The following HSPA5 variants were observed in gnomAD, a reference collection of about 807,000 sequenced individuals.
HSPA5 encodes the protein heat shock protein family A (Hsp70) member 5.
A neutral mutation model predicts 49.5 loss-of-function variants in HSPA5; 16 were observed. The observed-to-expected ratio is 0.32, with a 90% CI of 0.22 to 0.49. HSPA5 has a LOEUF of 0.49. HSPA5 is among the 20% of genes least tolerant of loss of function. HSPA5 has a pLI of 0.99. For synonymous variants in HSPA5, 271 were observed against 307.2 expected (o/e 0.88, Z 1.23); for missense variants, 376 against 819.0 (o/e 0.46, Z 6.60).
In HSPA5 at chr9:125,239,719, A is replaced by G. The variant is rs1362797412; in HGVS notation, c.493-186T>C. Among the ~76,000 whole-genome samples, 2 of 145,244 alleles carry G rather than the reference A, an allele frequency of 1.4e-5. No homozygotes were observed. Among genetic ancestry groups the G allele is most frequent in the Non-Finnish European group, 2.9e-5 (2 of 67,874 alleles). On this transcript the variant is annotated intron_variant, in intron 3 of 7. Coordinates refer to ENST00000324460, the MANE Select transcript of HSPA5 (RefSeq NM_005347.5). The surrounding 1 kb of genome is among the most constrained non-coding windows in gnomAD (Gnocchi z 5.5). ...TGTGGAGAAACCCTGTCTCTACTGA[A>G]AATTAAAAAAAAAAAAAAAAATTAG... is the stretch of plus-strand genomic sequence containing the variant.
At position 125,238,985 on chromosome 9, in the gene HSPA5, A is replaced by C. The variant is rs746186875; in HGVS notation, c.952T>G (p.Phe318Val). The stretch of plus-strand genomic sequence containing the variant: ...TTGGCCCGAGTCAGGGTCTCAGAAA[A>C]GTCTTCTCCTTCATAGAAGGACTCA... ...EIESFYEGED[F>V]SETLTRAKFE... is the part of the protein sequence containing the mutation. The change falls in exon 5 of 8, where the codon TTT becomes GTT. Residue 318 changes from phenylalanine to valine, a missense_variant. This residue lies in a region of HSPA5 where 89 missense variants were observed against 155.9 expected (regional missense o/e 0.57). Transcript: ENST00000324460. 3.1e-6 allele frequency: 5 copies of C among 1,612,990 alleles called. No individual in the cohort carries two copies. The highest frequency in any genetic ancestry group is 4.2e-6 in the Non-Finnish European group (5 of 1,179,690).
intron 5 of HSPA5, 54 bp from the exon 6 acceptor site, chr9:125,238,881 ATGTCC>A (rs1235670029): frequency 2.5e-6 from 4 of 1,606,098 alleles, no homozygotes; most frequent in Non-Finnish European, 3.4e-6. Flanking sequence ...TCTAGATGCA[ATGTCC>A]TGAATTCAGA....
chr9:125,235,596 TTTAACAACCCATTCA>T lies in HSPA5; in HGVS notation c.*981_*995del, dbSNP rs531372256. On this transcript the variant is annotated 3_prime_UTR_variant, in exon 8 of 8. Coordinates refer to ENST00000324460, the MANE Select transcript of HSPA5 (RefSeq NM_005347.5). ...ACCAGTTTTGACACAAACCATTGCC[TTTAACAACCCATTCA>T]TAGTGAGGGGATTTAGTGTAGTTTC... 2.6e-5 allele frequency: 4 copies of T among 152,104 alleles called. No individual in the cohort carries two copies. The highest frequency in any genetic ancestry group is 5.9e-5 in the Non-Finnish European group (4 of 68,026). The allele number at this position is 152,104 out of a possible 1,614,324, so 9.4% of individuals were successfully genotyped here. A position where few individuals can be genotyped will look rare whatever the true frequency, so the allele number is the denominator to read the frequency against.
At position 125,236,719 on chromosome 9, in the gene HSPA5, A is replaced by T; in HGVS notation, c.1838T>A (p.Ile613Asn). The part of the protein sequence containing the change: ...EWLESHQDAD[I>N]EDFKAKKKEL... The stretch of plus-strand genomic sequence containing the variant: ...CTTCTTCTTAGCTTTGAAGTCTTCA[A>T]TGTCAGCATCTTGGTGGCTTTCCAG... Residue 613 changes from isoleucine to asparagine, a missense_variant, in exon 8 of 8, where the codon ATT becomes AAT. Coordinates refer to ENST00000324460, the MANE Select transcript of HSPA5 (RefSeq NM_005347.5). The T allele has an allele frequency of 4.3e-6, 7 of 1,613,890 alleles. No homozygotes were observed. Among genetic ancestry groups the T allele is most frequent in the Non-Finnish European group, 5.9e-6 (7 of 1,179,838 alleles).
rs1413047379 is a variant in HSPA5 at position 125,237,157 on chromosome 9, A to G, written c.1403-3T>C. 6.3e-7 allele frequency: 1 copy of G among 1,598,586 alleles called. No homozygotes were observed. Among genetic ancestry groups the G allele is most frequent in the Non-Finnish European group, 8.5e-7 (1 of 1,171,376 alleles). ...GTCTTTTGTCAGGGGTCTTTCACCT[A>G]GAAGTTACATACAGAAAAACTTGTT... On this transcript the variant is annotated splice_region_variant and splice_polypyrimidine_tract_variant and intron_variant, in intron 7 of 7. Coordinates refer to ENST00000324460, the MANE Select transcript of HSPA5 (RefSeq NM_005347.5).
chr9:125,240,978 TC>T lies in HSPA5; in HGVS notation c.122+26del. On this transcript the variant is annotated intron_variant, in intron 1 of 7. Transcript: ENST00000324460. This position sits in a 1 kb window ranked among gnomAD's most constrained non-coding sequence, Gnocchi z 4.4. ...CGCCAGGCCAGGCGGCCACGCCCCGTCCCCCTGCATCCGCAACCCCACTTAC... is the reference window on the plus strand; with the variant it reads ...CGCCAGGCCAGGCGGCCACGCCCCGTCCCCTGCATCCGCAACCCCACTTAC... The T allele has an allele frequency of 6.2e-7, 1 of 1,610,878 alleles. No individual in the cohort carries two copies. The highest frequency in any genetic ancestry group is 8.5e-7 in the Non-Finnish European group (1 of 1,178,058).
Position 125,238,187 on chromosome 9 carries a change from A to G in HSPA5, c.1356T>C (p.Ser452=), listed in dbSNP as rs1475793192. The G allele has an allele frequency of 5.0e-6, 8 of 1,613,954 alleles. No individual in the cohort carries two copies. The highest frequency in any genetic ancestry group is 6.8e-6 in the Non-Finnish European group (8 of 1,179,940). Residue 452 remains serine, a synonymous_variant, in exon 7 of 8, where the codon TCT becomes TCC. Coordinates refer to ENST00000324460, the MANE Select transcript of HSPA5 (RefSeq NM_005347.5). ...VVPTKKSQIF[S]TASDNQPTVT... is the part of the protein sequence containing the mutation. Reference sequence around the variant, plus strand: ...CAGTTGGTTGATTATCAGAAGCTGTAGAAAAGATCTGAGACTTCTTGGTAG... The same window carrying G: ...CAGTTGGTTGATTATCAGAAGCTGTGGAAAAGATCTGAGACTTCTTGGTAG...
Position 125,236,542 on chromosome 9 carries a change from A to G in HSPA5, c.*50T>C, listed in dbSNP as rs1042373878. 1.0e-5 allele frequency: 14 copies of G among 1,338,896 alleles called. No homozygotes were observed. The African/African-American group carries it at 1.9e-4, about 18-fold the overall frequency. 82.9% of individuals were successfully genotyped at this position (1,338,896 alleles called of 1,614,324 possible). A position where few individuals can be genotyped will look rare whatever the true frequency, so the allele number is the denominator to read the frequency against. On this transcript the variant is annotated 3_prime_UTR_variant, in exon 8 of 8. Coordinates refer to ENST00000324460, the MANE Select transcript of HSPA5 (RefSeq NM_005347.5). ...AGTTCTTTCAATTTTTTCCTAACAA[A>G]AGTTCCTGAGTCCAGTATTTACAAT...
At position 125,241,274 on chromosome 9, in the gene HSPA5, C is replaced by T; in HGVS notation, c.-148G>A. Reference sequence around the variant, plus strand: ...AGGGCAGGTCTAGAAATACAGGCCGCGGCGCTTCCCTCTCACACTCGCGAA... The same window carrying T: ...AGGGCAGGTCTAGAAATACAGGCCGTGGCGCTTCCCTCTCACACTCGCGAA... On this transcript the variant is annotated 5_prime_UTR_variant, in exon 1 of 8. Coordinates refer to ENST00000324460, the MANE Select transcript of HSPA5 (RefSeq NM_005347.5). 2 of 864,136 alleles carry T rather than the reference C, an allele frequency of 2.3e-6. No homozygotes were observed. Among genetic ancestry groups the T allele is most frequent in the South Asian group, 1.7e-5 (1 of 59,300 alleles). The allele number at this position is 864,136 out of a possible 1,614,324, so 53.5% of individuals were successfully genotyped here. A position where few individuals can be genotyped will look rare whatever the true frequency, so the allele number is the denominator to read the frequency against.
Position 125,240,540 on chromosome 9 carries a change from A to G in HSPA5, c.354+136T>C. ...ACTGTCTTAAGTTTTGTAACATACT[A>G]ATAGTATTAAAGTTATTACATACAT... On this transcript the variant is annotated intron_variant, in intron 2 of 7. Coordinates refer to ENST00000324460, the MANE Select transcript of HSPA5 (RefSeq NM_005347.5). The surrounding 1 kb of genome is among the most constrained non-coding windows in gnomAD (Gnocchi z 4.4). 6.7e-6 allele frequency: 5 copies of G among 749,998 alleles called. No individual in the cohort carries two copies. 46.5% of individuals were successfully genotyped at this position (749,998 alleles called of 1,614,324 possible).
chr9:125,240,414 C>T lies in HSPA5; in HGVS notation c.355-105G>A. On this transcript the variant is annotated intron_variant, in intron 2 of 7. Coordinates refer to ENST00000324460, the MANE Select transcript of HSPA5 (RefSeq NM_005347.5). This position sits in a 1 kb window ranked among gnomAD's most constrained non-coding sequence, Gnocchi z 4.4. ...TTTGGTTTATTTTGGTCCCTTGGGG[C>T]TGCAAATTGACTAGAAATACTTCAG... 1 of 1,008,380 alleles carries T rather than the reference C, an allele frequency of 9.9e-7. No homozygotes were observed. Among genetic ancestry groups the T allele is most frequent in the Non-Finnish European group, 1.5e-6 (1 of 680,542 alleles). 62.5% of individuals were successfully genotyped at this position (1,008,380 alleles called of 1,614,324 possible).
rs1420946746 is a variant in HSPA5, at chr9:125,241,015, T to TG, written c.111dup (p.Thr38HisfsTer34). 1 of 1,613,526 alleles carries TG rather than the reference T, an allele frequency of 6.2e-7. No homozygotes were observed. Among genetic ancestry groups the TG allele is most frequent in the Non-Finnish European group, 8.5e-7 (1 of 1,179,734 alleles). The stretch of plus-strand genomic sequence containing the variant: ...CGCAACCCCACTTACCAGGAGTAGG[T>TG]GGTCCCCAGGTCGATGCCGACCACC... On this transcript the variant is annotated frameshift_variant, in exon 1 of 8. Transcript: ENST00000324460. LOFTEE classifies it high-confidence loss of function.
rs1425211023 is a variant in HSPA5, at chr9:125,237,688, AG to A, written c.1402+452del. On this transcript the variant is annotated intron_variant, in intron 7 of 7. Transcript: ENST00000324460. ...AGACTCCATTAAAAAAAAAAAAAAAAGAATGCTAAATATCTAATATCAACAT... is the reference window on the plus strand; with the variant it reads ...AGACTCCATTAAAAAAAAAAAAAAAAAATGCTAAATATCTAATATCAACAT... 3.6e-3 allele frequency among the ~76,000 whole-genome samples: 542 copies of A among 151,786 alleles called. 3 individuals are homozygous for A. The highest frequency in any genetic ancestry group is 0.012 in the African/African-American group (510 of 41,372).
Position 125,240,614 on chromosome 9 carries a change from T to C in HSPA5, c.354+62A>G, listed in dbSNP as rs1463966360. 2.2e-6 allele frequency: 3 copies of C among 1,361,852 alleles called. No homozygotes were observed. Among genetic ancestry groups the C allele is most frequent in the South Asian group, 1.2e-5 (1 of 84,210 alleles). 84.4% of individuals were successfully genotyped at this position (1,361,852 alleles called of 1,614,324 possible). A position where few individuals can be genotyped will look rare whatever the true frequency, so the allele number is the denominator to read the frequency against. On this transcript the variant is annotated intron_variant, in intron 2 of 7. Coordinates refer to ENST00000324460, the MANE Select transcript of HSPA5 (RefSeq NM_005347.5). This position sits in a 1 kb window ranked among gnomAD's most constrained non-coding sequence, Gnocchi z 4.4. The stretch of plus-strand genomic sequence containing the variant: ...GTCTCAACACTTTTCCAGAGACTTA[T>C]AACTCTAAATACTCCCACCACCCAC...
chr9:125,236,696 T>C lies in HSPA5; in HGVS notation c.1861A>G (p.Lys621Glu), dbSNP rs773627521. 24 of 1,613,698 alleles carry C rather than the reference T, an allele frequency of 1.5e-5. No individual in the cohort carries two copies. Among genetic ancestry groups the C allele is most frequent in the South Asian group, 3.3e-5 (3 of 91,046 alleles). ...GGTTGAACAATTTCTTCCAGTTCCTTCTTCTTAGCTTTGAAGTCTTCAATG... is the reference window on the plus strand; with the variant it reads ...GGTTGAACAATTTCTTCCAGTTCCTCCTTCTTAGCTTTGAAGTCTTCAATG... ...ADIEDFKAKK[K>E]ELEEIVQPII... The change falls in exon 8 of 8, where the codon AAG becomes GAG. Residue 621 changes from lysine to glutamate, a missense_variant. Around this residue, in one of 8 missense-constraint regions of HSPA5, gnomAD observed 72 missense variants for 87.8 expected, o/e 0.82. Transcript: ENST00000324460.
At position 125,239,552 on chromosome 9, in the gene HSPA5, A is replaced by G. The variant is rs750489196; in HGVS notation, c.493-19T>C. On this transcript the variant is annotated intron_variant, in intron 3 of 7. Coordinates refer to ENST00000324460, the MANE Select transcript of HSPA5 (RefSeq NM_005347.5). The surrounding 1 kb of genome is among the most constrained non-coding windows in gnomAD (Gnocchi z 5.5). ...GGGTAACCTAAAAGGATAAAAGATA[A>G]TTAAGTGTATTGTCACATAGTTTAA... The G allele has an allele frequency of 1.9e-6, 3 of 1,550,718 alleles. No individual in the cohort carries two copies. The highest frequency in any genetic ancestry group is 2.2e-5 in the South Asian group (2 of 89,806).
chr9:125,240,609 A>G lies in HSPA5; in HGVS notation c.354+67T>C, dbSNP rs1832552240. 3 of 1,312,424 alleles carry G rather than the reference A, an allele frequency of 2.3e-6. No homozygotes were observed. The South Asian group carries it at 3.6e-5, about 16-fold the overall frequency. The allele number at this position is 1,312,424 out of a possible 1,614,324, so 81.3% of individuals were successfully genotyped here. ...CTGTTGTCTCAACACTTTTCCAGAG[A>G]CTTATAACTCTAAATACTCCCACCA... is the stretch of plus-strand genomic sequence containing the variant. On this transcript the variant is annotated intron_variant, in intron 2 of 7. Coordinates refer to ENST00000324460, the MANE Select transcript of HSPA5 (RefSeq NM_005347.5). This position sits in a 1 kb window ranked among gnomAD's most constrained non-coding sequence, Gnocchi z 4.4.
Position 125,239,201 on chromosome 9 carries a change from C to A in HSPA5, c.736G>T (p.Ala246Ser). ...CCCAGATGAGTATCTCCATTAGTGGCCACAACTTCGAAGACACCATTGTCA... is the reference window on the plus strand; with the variant it reads ...CCCAGATGAGTATCTCCATTAGTGGACACAACTTCGAAGACACCATTGTCA... ...TIDNGVFEVV[A>S]TNGDTHLGGE... is the part of the protein sequence containing the mutation. The change falls in exon 5 of 8, where the codon GCC (alanine) becomes TCC (serine). Residue 246 changes from alanine to serine, a missense_variant. Transcript: ENST00000324460. This position sits in a 1 kb window ranked among gnomAD's most constrained non-coding sequence, Gnocchi z 5.5. 6.2e-7 allele frequency: 1 copy of A among 1,614,088 alleles called. No homozygotes were observed. The highest frequency in any genetic ancestry group is 8.5e-7 in the Non-Finnish European group (1 of 1,180,012).
At position 125,239,659 on chromosome 9, in the gene HSPA5, A is replaced by C. The variant is rs1588431132; in HGVS notation, c.493-126T>G. The C allele has an allele frequency of 2.9e-6, 2 of 692,494 alleles. No individual in the cohort carries two copies. Among genetic ancestry groups the C allele is most frequent in the Admixed American group, 4.8e-5 (2 of 42,034 alleles). The allele number at this position is 692,494 out of a possible 1,614,324, so 42.9% of individuals were successfully genotyped here. A position where few individuals can be genotyped will look rare whatever the true frequency, so the allele number is the denominator to read the frequency against. ...TTTGGGAGGCTGAGGCAGGAGGATC[A>C]CCTGAGGGCAGGATTTCAAGACCAG... is the stretch of plus-strand genomic sequence containing the variant. On this transcript the variant is annotated intron_variant, in intron 3 of 7. Transcript: ENST00000324460. The surrounding 1 kb of genome is among the most constrained non-coding windows in gnomAD (Gnocchi z 5.5).
Sources: allele counts gnomAD v4.1 joint callset (sites outside exome capture counted in the v4.1 genomes callset), GRCh38; gene constraint gnomAD v4.1.1; regional missense constraint gnomAD v4.1.1; non-coding constraint Gnocchi (gnomAD v3.1); transcripts MANE v1.5; gene names NCBI Gene and HGNC (gene_info 2026-07-23, HGNC 2026-07-21).